METTL14: variants seen among roughly 807,000 people sequenced by gnomAD.
METTL14 encodes N(6)-adenosine-methyltransferase non-catalytic subunit METTL14.
In METTL14, 32 loss-of-function variants were observed where a neutral mutation model predicts 62.4. That is an observed-to-expected ratio of 0.51 (90% CI 0.39 to 0.69). The LOEUF (loss-of-function observed/expected upper bound fraction) is 0.69, where lower values mean the gene tolerates loss of function less well. METTL14 is among the 30% of genes least tolerant of loss of function. The pLI is 0.00. For missense variants in METTL14, 340 were observed against 551.9 expected (o/e 0.62, Z 3.85); for synonymous variants, 150 against 180.0 (o/e 0.83, Z 1.34).
At chr4:118,690,694 A>AC (rs1183758395) in intron 3 of METTL14, among the ~76,000 whole-genome samples, 286 of 150,400 alleles carry the variant, frequency 1.9e-3, no homozygotes, top group African/African-American at 5.4e-3. Flanking sequence ...AAAAAAAAAA[A>AC]ACACAAAACT....
In METTL14 at chr4:118,691,711, T is replaced by G. The variant is rs557171352; in HGVS notation, c.324+99T>G. On this transcript the variant is annotated intron_variant, in intron 4 of 10. Coordinates refer to ENST00000388822, the MANE Select transcript of METTL14 (RefSeq NM_020961.4). The stretch of plus-strand genomic sequence containing the variant: ...GTTTGTCTTCAAGATGTTTTTTAAT[T>G]ATTGAGGGATCATTGTTATAAAATA... 5 of 620,518 alleles carry G rather than the reference T, an allele frequency of 8.1e-6. No homozygotes were observed. In the East Asian group the frequency reaches 1.3e-4, roughly 16 times the overall value. 38.4% of individuals were successfully genotyped at this position (620,518 alleles called of 1,614,324 possible).
chr4:118,702,937 T>TA (rs1292795804), intron 8 of METTL14, among the ~76,000 whole-genome samples: 12 of 115,198 alleles, frequency 1.0e-4, no homozygotes, highest in Admixed American at 3.1e-4. Flanking sequence ...TGTTGGAAGG[T>TA]TTTATTATTA....
chr4:118,700,400 G>A (rs540038056), intron 7 of METTL14, 150 bp from the exon 8 acceptor site: 8 of 576,076 alleles, frequency 1.4e-5, no homozygotes, highest in African/African-American at 1.1e-4. Context: ...GTAATTTTAA[G>A]GATAACATTT....
At chr4:118,688,309 C>T (rs551475881) in intron 2 of METTL14, among the ~76,000 whole-genome samples, 1 of 152,010 alleles carries the variant, frequency 6.6e-6, no homozygotes, top group African/African-American at 2.4e-5. Context: ...TGGTGGCGGG[C>T]TCCTGTAATC....
In METTL14 at chr4:118,710,223, G is replaced by T; in HGVS notation, c.1292G>T (p.Arg431Ile). 6.2e-7 allele frequency: 1 copy of T among 1,614,196 alleles called. No individual in the cohort carries two copies. The highest frequency in any genetic ancestry group is 8.5e-7 in the Non-Finnish European group (1 of 1,180,032). The change falls in exon 11 of 11, where the codon AGA becomes ATA. Residue 431 changes from arginine (R) to isoleucine (I), a missense_variant. This residue lies in a region of METTL14 where 44 missense variants were observed against 56.4 expected (regional missense o/e 0.78). Transcript: ENST00000388822. Reference protein sequence around the residue: ...TSAGRGRERNRSNFRGERGGF... With the variant: ...TSAGRGRERNISNFRGERGGF... ...GCTGGCCGTGGACGAGAAAGAAATA[G>T]ATCTAACTTCCGAGGAGAAAGAGGT...
Position 118,715,062 on chromosome 4 carries a change from T to C in METTL14, c.*4760T>C, listed in dbSNP as rs536776238. The C allele has an allele frequency of 6.6e-6, 1 of 152,354 alleles. No homozygotes were observed. The highest frequency in any genetic ancestry group is 1.9e-4 in the East Asian group (1 of 5,194). The allele number at this position is 152,354 out of a possible 1,614,324, so 9.4% of individuals were successfully genotyped here. A position where few individuals can be genotyped will look rare whatever the true frequency, so the allele number is the denominator to read the frequency against. On this transcript the variant is annotated 3_prime_UTR_variant, in exon 11 of 11. Coordinates refer to ENST00000388822, the MANE Select transcript of METTL14 (RefSeq NM_020961.4). Reference sequence around the variant, plus strand: ...TAGACTGAAAATGTGAACTAATACTTTAAAATTGCCGTATAATGATGTCAT... The same window carrying C: ...TAGACTGAAAATGTGAACTAATACTCTAAAATTGCCGTATAATGATGTCAT...
intron 6 of METTL14, among the ~76,000 whole-genome samples, chr4:118,696,391 A>G (rs1724414494): frequency 6.6e-6 from 1 of 151,860 alleles, no homozygotes. Context: ...TATAGGCATG[A>G]GCCACCATGC....
At chr4:118,694,209 A>T (rs1046681308) in intron 5 of METTL14, among the ~76,000 whole-genome samples, 4 of 149,718 alleles carry the variant, frequency 2.7e-5, no homozygotes, top group African/African-American at 9.9e-5. Context: ...TAAGTGGCTT[A>T]TTGACTTGGA....
At chr4:118,693,349 A>T (rs191311031) in intron 5 of METTL14, among the ~76,000 whole-genome samples, 23 of 152,192 alleles carry the variant, frequency 1.5e-4, no homozygotes, top group African/African-American at 4.6e-4. Context: ...TTTACTATTG[A>T]ATAACAAGAG....
chr4:118,701,517 A>C (rs1724589395), intron 8 of METTL14, among the ~76,000 whole-genome samples: 1 of 152,148 alleles, frequency 6.6e-6, no homozygotes, highest in African/African-American at 2.4e-5. Flanking sequence ...GAACAAAATA[A>C]TATATATGCT....
At chr4:118,708,231 C>G (rs931947385) in intron 10 of METTL14, among the ~76,000 whole-genome samples, 18 of 152,294 alleles carry the variant, frequency 1.2e-4, no homozygotes, top group Admixed American at 2.6e-4. Flanking sequence ...CCTTGGACTT[C>G]TATAGCCAGT....
chr4:118,705,300 C>A (rs1032500146), intron 9 of METTL14, among the ~76,000 whole-genome samples: 1 of 152,012 alleles, frequency 6.6e-6, no homozygotes, highest in Non-Finnish European at 1.5e-5. Flanking sequence ...CATGGCGAGA[C>A]CCTGTCTTTA....
chr4:118,686,180 T>C (rs143844286), intron 1 of METTL14, among the ~76,000 whole-genome samples: 8 of 152,318 alleles, frequency 5.3e-5, no homozygotes, highest in African/African-American at 1.7e-4. Context: ...CCTTCACTTA[T>C]CAAGTAATGA....
intron 4 of METTL14, 152 bp from the exon 5 acceptor site, chr4:118,691,829 G>A (rs1242697851): frequency 3.2e-6 from 2 of 616,454 alleles, no homozygotes; most frequent in Non-Finnish European, 5.5e-6. Context: ...CTACTGAAAA[G>A]TAATAATTTT....
intron 10 of METTL14, among the ~76,000 whole-genome samples, chr4:118,709,535 TG>T (rs1724858049): frequency 6.6e-6 from 1 of 152,112 alleles, no homozygotes; most frequent in East Asian, 1.9e-4. Flanking sequence ...AAGATAGGAA[TG>T]AGTGGGAGTA....
chr4:118,700,781 A>AT, intron 8 of METTL14, 139 bp downstream of exon 8: 1 of 577,706 alleles, frequency 1.7e-6, no homozygotes, highest in Non-Finnish European at 2.9e-6. Flanking sequence ...GAAAAAAAAA[A>AT]TGTCCAGAAA....
intron 9 of METTL14, among the ~76,000 whole-genome samples, chr4:118,705,385 G>T (rs1024674374): frequency 1.3e-5 from 2 of 152,144 alleles, no homozygotes; most frequent in Non-Finnish European, 2.9e-5. Flanking sequence ...TGAGGCGGGG[G>T]ATTGCTTGAG....
chr4:118,701,586 C>G (rs1482704297), intron 8 of METTL14, among the ~76,000 whole-genome samples: 1 of 152,130 alleles, frequency 6.6e-6, no homozygotes, highest in African/African-American at 2.4e-5. Flanking sequence ...TAATTTTGCT[C>G]TCAATTCAGC....
At chr4:118,688,499 A>G (rs559171448) in intron 2 of METTL14, among the ~76,000 whole-genome samples, 1 of 152,126 alleles carries the variant, frequency 6.6e-6, no homozygotes, top group South Asian at 2.1e-4. Context: ...CTAGGTAGGT[A>G]TGCAGTGTAT....
Sources: gnomAD v4.1 joint callset for allele counts (sites outside exome capture counted in the v4.1 genomes callset) on GRCh38, gnomAD v4.1.1 for gene constraint, gnomAD v4.1.1 regional missense constraint, MANE v1.5 for transcripts, NCBI Gene and HGNC (gene_info 2026-07-23, HGNC 2026-07-21) for gene names.